Variants in SLC11A2 observed in about 807,000 individuals in gnomAD.
SLC11A2 encodes the protein natural resistance-associated macrophage protein 2.
A neutral mutation model predicts 68.0 loss-of-function variants in SLC11A2; 38 were observed. The observed-to-expected ratio is 0.56, with a 90% CI of 0.43 to 0.73. The LOEUF (loss-of-function observed/expected upper bound fraction) is 0.73. Among genes scored for constraint, SLC11A2 ranks in the 30% least tolerant of loss-of-function variants. The pLI is 0.00. For synonymous variants in SLC11A2, 242 were observed against 250.6 expected (o/e 0.97, Z 0.32); for missense variants, 517 against 690.5 (o/e 0.75, Z 2.82).
intron 5 of SLC11A2, 55 bp downstream of exon 5, chr12:51,004,733 A>G: frequency 6.2e-7 from 1 of 1,604,138 alleles, no homozygotes; most frequent in Non-Finnish European, 8.5e-7. Flanking sequence ...ATACCGCCAG[A>G]CACACAGATT....
At chr12:51,003,670 G>A (rs1486864989) in intron 5 of SLC11A2, among the ~76,000 whole-genome samples, 1 of 150,308 alleles carries the variant, frequency 6.7e-6, no homozygotes, top group Non-Finnish European at 1.5e-5. Flanking sequence ...GCTCATGCCT[G>A]TCGTCCCAGC....
At chr12:51,008,338 T>G (rs547504754) in intron 3 of SLC11A2, 138 bp downstream of exon 3, 7 of 664,072 alleles carry the variant, frequency 1.1e-5, no homozygotes, top group South Asian at 6.2e-5. Context: ...TATATATATA[T>G]AGATATATAG....
chr12:50,996,709 G>T, intron 9 of SLC11A2, 108 bp downstream of exon 9: 1 of 1,104,654 alleles, frequency 9.1e-7, no homozygotes, highest in Non-Finnish European at 1.4e-6. Context: ...AAAATACCTT[G>T]CTCCTTCATG....
At position 50,997,019 on chromosome 12, in the gene SLC11A2, G is replaced by A. The variant is rs767137690; in HGVS notation, c.676-47C>T. ...ATTAGCCTTTACAGGAACGTGAAAC[G>A]GGAGTAACATAGTACCAGGGAACAG... On this transcript the variant is annotated intron_variant, in intron 8 of 15. Coordinates refer to ENST00000262052, the MANE Select transcript of SLC11A2 (RefSeq NM_000617.3). The A allele has an allele frequency of 1.6e-5, 23 of 1,474,454 alleles. No homozygotes were observed. The African/African-American group carries it at 1.8e-4, about 12-fold the overall frequency. 91.3% of individuals were successfully genotyped at this position (1,474,454 alleles called of 1,614,324 possible). A position where few individuals can be genotyped will look rare whatever the true frequency, so the allele number is the denominator to read the frequency against.
intron 5 of SLC11A2, chr12:51,000,683 T>G (rs1384079580): frequency 1.7e-6 from 1 of 588,714 alleles, no homozygotes; most frequent in Non-Finnish European, 3.0e-6. Flanking sequence ...TTCTTTTTCC[T>G]TTCTACTTGA....
At position 50,991,627 on chromosome 12, in the gene SLC11A2, G is replaced by A. The variant is rs971396877; in HGVS notation, c.1393C>T (p.Pro465Ser). The change falls in exon 14 of 16, where the codon CCA becomes TCA. Residue 465 changes from proline to serine, a missense_variant. Coordinates refer to ENST00000262052, the MANE Select transcript of SLC11A2 (RefSeq NM_000617.3). ...IPILTFTSLR[P>S]VMSDFANGLG... ...CCATTGGCAAAGTCACTCATTACTG[G>A]CCGCAAGCTCGTAAATGTGAGGATG... 1 of 1,613,864 alleles carries A rather than the reference G, an allele frequency of 6.2e-7. No homozygotes were observed. The highest frequency in any genetic ancestry group is 8.5e-7 in the Non-Finnish European group (1 of 1,179,954).
chr12:51,003,452 C>T (rs1942444678), intron 5 of SLC11A2, among the ~76,000 whole-genome samples: 1 of 151,496 alleles, frequency 6.6e-6, no homozygotes, highest in Non-Finnish European at 1.5e-5. Context: ...AGGAGAATCC[C>T]TGGAATCGCC....
At chr12:51,005,825 A>T in intron 3 of SLC11A2, 1 of 487,466 alleles carries the variant, frequency 2.1e-6, no homozygotes, top group Non-Finnish European at 3.4e-6. Context: ...TGAGGAGAGC[A>T]AACAAAAATA....
chr12:50,972,778 G>A, the SLC11A2 span, among the ~76,000 whole-genome samples: 5 of 152,168 alleles, frequency 3.3e-5, no homozygotes, highest in Non-Finnish European at 5.9e-5. Flanking sequence ...CTGGAAAATC[G>A]GGTCACTCCC....
At chr12:51,009,291 G>A (rs1022577556) in intron 2 of SLC11A2, 5 of 1,294,724 alleles carry the variant, frequency 3.9e-6, no homozygotes, top group Non-Finnish European at 4.9e-6. Context: ...ACGGGGTACT[G>A]GCACCCTCGT....
At position 50,986,808 on chromosome 12, in the gene SLC11A2, T is replaced by A. The variant is rs1222889526; in HGVS notation, c.*1517A>T. On this transcript the variant is annotated 3_prime_UTR_variant, in exon 16 of 16. Transcript: ENST00000262052. Reference sequence around the variant, plus strand: ...TCAGTGAAACACAGTAGTGTACCCTTAAATGCCTTATAAAAGACCATCCAT... The same window carrying A: ...TCAGTGAAACACAGTAGTGTACCCTAAAATGCCTTATAAAAGACCATCCAT... The A allele has an allele frequency of 7.8e-7, 1 of 1,287,202 alleles. No individual in the cohort carries two copies. Among genetic ancestry groups the A allele is most frequent in the Non-Finnish European group, 1.0e-6 (1 of 988,692 alleles). 79.7% of individuals were successfully genotyped at this position (1,287,202 alleles called of 1,614,324 possible). A position where few individuals can be genotyped will look rare whatever the true frequency, so the allele number is the denominator to read the frequency against.
intron 15 of SLC11A2, among the ~76,000 whole-genome samples, chr12:50,990,087 T>C (rs1043412911): frequency 6.6e-6 from 1 of 152,226 alleles, no homozygotes; most frequent in South Asian, 2.1e-4. Flanking sequence ...AATTCTAGAC[T>C]TCTTAAAAAA....
chr12:50,967,634 C>T, the SLC11A2 span, among the ~76,000 whole-genome samples: 1 of 152,160 alleles, frequency 6.6e-6, no homozygotes, highest in Non-Finnish European at 1.5e-5. Context: ...TGTTAGCATC[C>T]TCCTTATAAC....
chr12:50,971,387 CAT>C, the SLC11A2 span, among the ~76,000 whole-genome samples: 23,648 of 152,128 alleles, frequency 0.16, 1,985 homozygotes, highest in South Asian at 0.27. Context: ...ACCGCAAACA[CAT>C]GTTTAACATT....
At chr12:50,970,216 C>T in the SLC11A2 span, among the ~76,000 whole-genome samples, 1 of 152,176 alleles carries the variant, frequency 6.6e-6, no homozygotes, top group Non-Finnish European at 1.5e-5. Context: ...GGCACTAAAA[C>T]ATCATAAATT....
chr12:50,976,529 C>A (rs1399817940), downstream of SLC11A2, among the ~76,000 whole-genome samples: 1 of 152,170 alleles, frequency 6.6e-6, no homozygotes, highest in Non-Finnish European at 1.5e-5. Flanking sequence ...AACCCACAGC[C>A]AATATCATAC....
chr12:50,974,293 G>T, the SLC11A2 span, among the ~76,000 whole-genome samples: 1 of 152,152 alleles, frequency 6.6e-6, no homozygotes, highest in Non-Finnish European at 1.5e-5. Context: ...CTGATCTCTT[G>T]GCAGAAACTC....
chr12:50,968,855 T>C, the SLC11A2 span, among the ~76,000 whole-genome samples: 2 of 152,018 alleles, frequency 1.3e-5, no homozygotes, highest in African/African-American at 2.4e-5. Context: ...ATTTTTTTAT[T>C]TTTTTGTAGA....
chr12:50,953,955 T>C, the SLC11A2 span: 3 of 1,155,996 alleles, frequency 2.6e-6, no homozygotes, highest in Non-Finnish European at 3.9e-6. Context: ...TTTTTAATGA[T>C]TCACGGCAAC....
Sources: gnomAD v4.1 joint callset for allele counts (sites outside exome capture counted in the v4.1 genomes callset) on GRCh38, gnomAD v4.1.1 for gene constraint, MANE v1.5 for transcripts, NCBI Gene and HGNC (gene_info 2026-07-23, HGNC 2026-07-21) for gene names.